The following CSGALNACT1 variants were observed in gnomAD, a reference collection of about 807,000 sequenced individuals.
CSGALNACT1 encodes the protein chondroitin sulfate N-acetylgalactosaminyltransferase 1, also known as beta4GalNAcT-1.
In CSGALNACT1, 52 loss-of-function variants were observed where a neutral mutation model predicts 51.0. That is an observed-to-expected ratio of 1.02 (90% CI 0.82 to 1.29). CSGALNACT1 has a LOEUF of 1.29. Among genes scored for constraint, CSGALNACT1 ranks in the 50% most tolerant of loss-of-function variants. The pLI, the probability that CSGALNACT1 is intolerant of heterozygous loss-of-function variation, is 0.00. For missense variants in CSGALNACT1, 935 were observed against 679.2 expected (o/e 1.38, Z -4.19); for synonymous variants, 341 against 254.4 (o/e 1.34, Z -3.24).
intron 1 of CSGALNACT1, among the ~76,000 whole-genome samples, chr8:19,752,383 A>T (rs1265761943): frequency 6.6e-6 from 1 of 152,142 alleles, no homozygotes; most frequent in East Asian, 1.9e-4. Context: ...CCCGACATGG[A>T]ACAGTCTACC....
At chr8:19,418,828 G>T in intron 7 of CSGALNACT1, 78 bp from the exon 7 acceptor site, 2 of 979,738 alleles carry the variant, frequency 2.0e-6, no homozygotes, top group Non-Finnish European at 3.3e-6. Context: ...TTGGCCCTCT[G>T]AAACACCCCA....
upstream of CSGALNACT1, among the ~76,000 whole-genome samples, chr8:19,687,105 A>C (rs1334502516): frequency 6.6e-6 from 1 of 152,096 alleles, no homozygotes; most frequent in Non-Finnish European, 1.5e-5. Context: ...GCTTGTTTGC[A>C]TTAAGAACTG....
chr8:19,578,575 C>T (rs534086242), intron 3 of CSGALNACT1, among the ~76,000 whole-genome samples: 13 of 152,316 alleles, frequency 8.5e-5, no homozygotes, highest in African/African-American at 3.1e-4. Flanking sequence ...AACTGCTTTA[C>T]TGCAGATCCT....
chr8:19,609,244 A>C (rs966816462), intron 1 of CSGALNACT1, among the ~76,000 whole-genome samples: 3 of 151,180 alleles, frequency 2.0e-5, no homozygotes, highest in African/African-American at 7.3e-5. Context: ...ACAAATAAAT[A>C]TATAGTAATA....
In CSGALNACT1 at chr8:19,614,293, C is replaced by T. The variant is rs150664427; in HGVS notation, c.-543-12428G>A. ...GAGACTCGAAAGGCTAAATAATGTA[C>T]GCAAAATTCCAAGGCTAATATGTAA... is the stretch of plus-strand genomic sequence containing the variant. On this transcript the variant is annotated intron_variant, in intron 1 of 9. Coordinates refer to the CSGALNACT1 transcript ENST00000332246. Among the ~76,000 whole-genome samples, 451 of 152,286 alleles carry T rather than the reference C, an allele frequency of 3.0e-3. 4 individuals carry two copies. Among genetic ancestry groups the T allele is most frequent in the African/African-American group, 0.01 (421 of 41,562 alleles).
chr8:19,666,760 GA>G (rs1554794191), intron 1 of CSGALNACT1, among the ~76,000 whole-genome samples: 2 of 56,590 alleles, frequency 3.5e-5, no homozygotes, highest in Non-Finnish European at 6.4e-5. Context: ...AAGAAAGAAA[GA>G]AGAAAGAAAG....
At chr8:19,512,826 G>T (rs190050526) in intron 3 of CSGALNACT1, among the ~76,000 whole-genome samples, 2 of 152,114 alleles carry the variant, frequency 1.3e-5, no homozygotes, top group African/African-American at 2.4e-5. Context: ...AAGTGTCAGG[G>T]ACTTTAGGAA....
At chr8:19,440,374 C>A (rs915334552) in intron 5 of CSGALNACT1, among the ~76,000 whole-genome samples, 1 of 152,028 alleles carries the variant, frequency 6.6e-6, no homozygotes, top group African/African-American at 2.4e-5. Flanking sequence ...CCACCATGAT[C>A]AAGTGGGCTT....
chr8:19,557,670 C>G (rs1028307744), intron 3 of CSGALNACT1, among the ~76,000 whole-genome samples: 4 of 152,200 alleles, frequency 2.6e-5, no homozygotes, highest in Admixed American at 6.5e-5. Flanking sequence ...CACTAACTTC[C>G]TCTTGACCAT....
intron 1 of CSGALNACT1, among the ~76,000 whole-genome samples, chr8:19,621,593 G>A (rs1010433826): frequency 2.0e-5 from 3 of 151,786 alleles, no homozygotes; most frequent in South Asian, 2.1e-4. Context: ...CCTGGGCAAC[G>A]TGGCAAGACC....
At chr8:19,447,125 G>A (rs905421614) in intron 5 of CSGALNACT1, among the ~76,000 whole-genome samples, 1 of 152,190 alleles carries the variant, frequency 6.6e-6, no homozygotes, top group Admixed American at 6.5e-5. Context: ...ATACAGGTGA[G>A]GGAAGGAGTT....
chr8:19,506,083 C>T lies in CSGALNACT1; in HGVS notation c.-249G>A. The stretch of plus-strand genomic sequence containing the variant: ...AGTGAAATCTCCAAGTTTTCACCTT[C>T]ATTCCCATCACAGCCTTCCTGATGT... On this transcript the variant is annotated 5_prime_UTR_variant, in exon 4 of 10. It removes an upstream start codon present in the reference 5' UTR. Transcript: ENST00000454498. The T allele has an allele frequency of 1.5e-6, 1 of 658,906 alleles. No homozygotes were observed. Among genetic ancestry groups the T allele is most frequent in the Admixed American group, 2.1e-5 (1 of 48,606 alleles). 40.8% of individuals were successfully genotyped at this position (658,906 alleles called of 1,614,324 possible).
intron 4 of CSGALNACT1, among the ~76,000 whole-genome samples, chr8:19,474,382 ATTAT>A (rs1418527156): frequency 1.3e-5 from 2 of 152,244 alleles, no homozygotes; most frequent in African/African-American, 2.4e-5. Context: ...TTACTTATTT[ATTAT>A]TTATTTATTT....
At chr8:19,701,152 C>CCTTTTTTTTTT (rs1230956394) in intron 1 of CSGALNACT1, among the ~76,000 whole-genome samples, 1 of 54,316 alleles carries the variant, frequency 1.8e-5, no homozygotes, top group African/African-American at 5.9e-5. Flanking sequence ...ATCTATTATC[C>CCTTTTTTTTTT]GTTTTTTTTT....
At chr8:19,608,897 A>T (rs1454258866) in intron 1 of CSGALNACT1, among the ~76,000 whole-genome samples, 1 of 152,200 alleles carries the variant, frequency 6.6e-6, no homozygotes, top group Non-Finnish European at 1.5e-5. Context: ...AACAGTTGAG[A>T]GATACTATGA....
intron 6 of CSGALNACT1, among the ~76,000 whole-genome samples, chr8:19,424,500 G>GAA (rs200331584): frequency 6.6e-6 from 1 of 151,916 alleles, no homozygotes; most frequent in African/African-American, 2.4e-5. Flanking sequence ...GAAAAACCAT[G>GAA]AAAAAAAATC....
At chr8:19,696,252 T>C (rs551004989) in intron 1 of CSGALNACT1, among the ~76,000 whole-genome samples, 73 of 152,346 alleles carry the variant, frequency 4.8e-4, no homozygotes, top group African/African-American at 1.6e-3. Context: ...ACTTACATTT[T>C]ATGCAATTTG....
At chr8:19,681,904 C>T (rs1017033991) in intron 1 of CSGALNACT1, among the ~76,000 whole-genome samples, 3 of 152,208 alleles carry the variant, frequency 2.0e-5, no homozygotes, top group African/African-American at 7.2e-5. Context: ...CTGGGTCACA[C>T]TCCAGGTCTC....
chr8:19,739,679 T>G (rs908175705), intron 1 of CSGALNACT1, among the ~76,000 whole-genome samples: 1 of 152,192 alleles, frequency 6.6e-6, no homozygotes, highest in Non-Finnish European at 1.5e-5. Context: ...CTTCTATGCC[T>G]GGAACGTGAT....
Sources: gnomAD v4.1 joint callset for allele counts (sites outside exome capture counted in the v4.1 genomes callset) on GRCh38, gnomAD v4.1.1 for gene constraint, MANE v1.5 for transcripts, NCBI Gene and HGNC (gene_info 2026-07-23, HGNC 2026-07-21) for gene names.